UVRAG: variants seen among roughly 807,000 people sequenced by gnomAD.
The protein encoded by UVRAG is UV radiation resistance associated.
In UVRAG, 19 loss-of-function variants were observed where a neutral mutation model predicts 78.0. The ratio of observed to expected loss-of-function variants is 0.24; its 90% CI spans 0.17 to 0.36. UVRAG has a LOEUF of 0.36. Among genes scored for constraint, UVRAG ranks in the 10% least tolerant of loss-of-function variants. The pLI is 1.00. For missense variants in UVRAG, 740 were observed against 853.8 expected (o/e 0.87, Z 1.66); for synonymous variants, 323 against 324.6 (o/e 1.00, Z 0.05).
intron 12 of UVRAG, among the ~76,000 whole-genome samples, chr11:76,018,182 A>T (rs1293237796): frequency 6.6e-6 from 1 of 152,208 alleles, no homozygotes; most frequent in Non-Finnish European, 1.5e-5. Context: ...CAGACTAATA[A>T]ACATGCATAT....
intron 7 of UVRAG, among the ~76,000 whole-genome samples, chr11:75,980,638 T>G (rs1949369308): frequency 6.6e-6 from 1 of 152,114 alleles, no homozygotes; most frequent in Admixed American, 6.6e-5. Flanking sequence ...TTCATATTAG[T>G]AAATTTTGCC....
intron 3 of UVRAG, among the ~76,000 whole-genome samples, chr11:75,866,739 C>T (rs907916625): frequency 6.6e-6 from 1 of 152,042 alleles, no homozygotes; most frequent in Non-Finnish European, 1.5e-5. Flanking sequence ...GTCATTGTAT[C>T]GTGATTTGCT....
At chr11:76,022,163 T>C (rs1274428311) in intron 12 of UVRAG, among the ~76,000 whole-genome samples, 1 of 152,238 alleles carries the variant, frequency 6.6e-6, no homozygotes, top group African/African-American at 2.4e-5. Context: ...GATGATAGTT[T>C]TATGATTGTA....
intron 14 of UVRAG, among the ~76,000 whole-genome samples, chr11:76,127,459 G>T (rs753225016): frequency 6.7e-6 from 1 of 150,320 alleles, no homozygotes; most frequent in Non-Finnish European, 1.5e-5. Context: ...TTCGAGACCA[G>T]CTGACCAACA....
At chr11:75,952,090 A>C (rs1334174125) in intron 6 of UVRAG, among the ~76,000 whole-genome samples, 1 of 152,116 alleles carries the variant, frequency 6.6e-6, no homozygotes. Context: ...TTATTTATTG[A>C]TATTAAATAG....
intron 14 of UVRAG, among the ~76,000 whole-genome samples, chr11:76,128,015 A>G (rs1341657320): frequency 1.3e-5 from 2 of 151,992 alleles, no homozygotes; most frequent in Admixed American, 1.3e-4. Flanking sequence ...AATGAATTGG[A>G]GAGGGAATTA....
At chr11:76,139,548 C>T (rs981509873) in intron 14 of UVRAG, among the ~76,000 whole-genome samples, 2 of 152,138 alleles carry the variant, frequency 1.3e-5, no homozygotes, top group Admixed American at 6.6e-5. Context: ...ACCCTCTATG[C>T]GTGTTTCCTC....
At chr11:75,825,893 G>A (rs1381021322) in intron 1 of UVRAG, among the ~76,000 whole-genome samples, 1 of 151,876 alleles carries the variant, frequency 6.6e-6, no homozygotes, top group Non-Finnish European at 1.5e-5. Context: ...CTGGAGTACA[G>A]TGGTGTGATC....
intron 1 of UVRAG, among the ~76,000 whole-genome samples, chr11:75,849,993 A>G (rs910271242): frequency 1.3e-5 from 2 of 151,752 alleles, no homozygotes; most frequent in African/African-American, 4.9e-5. Context: ...GGACCCACAT[A>G]CCCCCAGAGG....
intron 8 of UVRAG, 79 bp from the exon 9 acceptor site, chr11:76,003,926 G>C: frequency 7.7e-7 from 1 of 1,291,740 alleles, no homozygotes; most frequent in Non-Finnish European, 1.1e-6. Flanking sequence ...TCACAGTCAG[G>C]GATTTGGCTT....
intron 6 of UVRAG, among the ~76,000 whole-genome samples, chr11:75,929,343 TC>T (rs1269925944): frequency 6.6e-6 from 1 of 152,178 alleles, no homozygotes; most frequent in East Asian, 1.9e-4. Flanking sequence ...TGTTACTCTG[TC>T]AGTCACCCCC....
chr11:75,977,853 C>A (rs1949280805), intron 7 of UVRAG, among the ~76,000 whole-genome samples: 1 of 152,126 alleles, frequency 6.6e-6, no homozygotes, highest in Non-Finnish European at 1.5e-5. Flanking sequence ...TTAATTGGAG[C>A]ATTTAGCCCA....
At chr11:76,121,375 T>TA (rs1243273050) in intron 14 of UVRAG, among the ~76,000 whole-genome samples, 2 of 152,332 alleles carry the variant, frequency 1.3e-5, no homozygotes, top group Admixed American at 1.3e-4. Context: ...AATTTCAGCT[T>TA]AGAATCTGTG....
chr11:76,143,613 C>A lies in UVRAG; in HGVS notation c.*2200C>A, dbSNP rs553261044. On this transcript the variant is annotated 3_prime_UTR_variant, in exon 15 of 15. Transcript: ENST00000356136. ...TCAAAACACCACTTAGGTTTGGGTT[C>A]GTTTAGTTCGAGTTTGGGGTTTTCA... Among the ~76,000 whole-genome samples, 1 of 152,188 alleles carries A rather than the reference C, an allele frequency of 6.6e-6. No individual in the cohort carries two copies.
intron 6 of UVRAG, among the ~76,000 whole-genome samples, chr11:75,918,210 CAAAA>C (rs67178910): frequency 1.8e-5 from 1 of 55,564 alleles, no homozygotes; most frequent in African/African-American, 5.0e-5. Context: ...ACTAAAAATA[CAAAA>C]AAAAAAAAAA....
intron 1 of UVRAG, among the ~76,000 whole-genome samples, chr11:75,828,258 G>T (rs955275735): frequency 6.6e-6 from 1 of 152,026 alleles, no homozygotes; most frequent in Non-Finnish European, 1.5e-5. Flanking sequence ...AAGAGTAGCT[G>T]CCCAGGTGCT....
At chr11:76,017,059 G>T in intron 12 of UVRAG, 79 bp downstream of exon 12, 1 of 1,095,726 alleles carries the variant, frequency 9.1e-7, no homozygotes, top group African/African-American at 1.6e-5. Flanking sequence ...TACATAAAAT[G>T]TAATCTAAAT....
At chr11:75,933,603 C>A (rs1487995939) in intron 6 of UVRAG, among the ~76,000 whole-genome samples, 1 of 152,168 alleles carries the variant, frequency 6.6e-6, no homozygotes, top group Admixed American at 6.5e-5. Flanking sequence ...AACTACCCAT[C>A]TGACAAGGGA....
At chr11:76,112,301 C>A (rs1001237513) in intron 13 of UVRAG, among the ~76,000 whole-genome samples, 1 of 152,070 alleles carries the variant, frequency 6.6e-6, no homozygotes, top group African/African-American at 2.4e-5. Flanking sequence ...TTGGAACTAC[C>A]TAAGAAAAAG....
Sources: allele counts gnomAD v4.1 joint callset (sites outside exome capture counted in the v4.1 genomes callset), GRCh38; gene constraint gnomAD v4.1.1; transcripts MANE v1.5; gene names NCBI Gene and HGNC (gene_info 2026-07-23, HGNC 2026-07-21).